Variants in ERBIN observed in about 807,000 individuals in gnomAD.
ERBIN encodes densin-180-like protein.
ERBIN carries 60 observed loss-of-function variants against 158.4 expected under a neutral mutation model. That is an observed-to-expected ratio of 0.38 (90% CI 0.31 to 0.47). The LOEUF is 0.47. Ranked by LOEUF, ERBIN falls within the 20% of genes least tolerant of loss-of-function variation. The pLI is 0.99. For missense variants in ERBIN, 1,610 were observed against 1,648.0 expected, an observed-to-expected ratio of 0.98 and a Z score of 0.40; for synonymous variants, 594 against 557.2, an observed-to-expected ratio of 1.07 and a Z score of -0.93.
intron 1 of ERBIN, among the ~76,000 whole-genome samples, chr5:65,984,460 C>T (rs902946478): frequency 1.3e-5 from 2 of 152,202 alleles, no homozygotes; most frequent in African/African-American, 4.8e-5. Context: ...ACTCCCAAAT[C>T]CCCTTCACTC....
chr5:66,015,487 C>G (rs1342130565), intron 7 of ERBIN, among the ~76,000 whole-genome samples: 3 of 152,134 alleles, frequency 2.0e-5, no homozygotes, highest in African/African-American at 7.2e-5. Context: ...CTGTATGCAT[C>G]TGTTGTTGGT....
rs1340998815 is a variant in ERBIN, at chr5:66,081,366, A to G, written c.*2836A>G. 1 of 152,052 alleles carries G rather than the reference A, an allele frequency of 6.6e-6. No homozygotes were observed. Among genetic ancestry groups the G allele is most frequent in the Non-Finnish European group, 1.5e-5 (1 of 67,906 alleles). 9.4% of individuals were successfully genotyped at this position (152,052 alleles called of 1,614,324 possible). On this transcript the variant is annotated 3_prime_UTR_variant, in exon 26 of 26. Coordinates refer to ENST00000284037, the MANE Select transcript of ERBIN (RefSeq NM_001253697.2). ...TGGATATGAAGATATATATATATAC[A>G]CTTAATTCTTTTAAACACAAAACTT...
At chr5:65,960,335 C>T (rs965587849) in intron 1 of ERBIN, among the ~76,000 whole-genome samples, 8 of 152,132 alleles carry the variant, frequency 5.3e-5, no homozygotes, top group African/African-American at 1.9e-4. Flanking sequence ...TTGGTAGGGG[C>T]ATTGACTGGA....
chr5:65,932,939 C>T (rs1485052702), intron 1 of ERBIN, among the ~76,000 whole-genome samples: 5 of 152,098 alleles, frequency 3.3e-5, no homozygotes. Context: ...TATAGGCATG[C>T]ACCACCATGC....
chr5:66,035,579 C>T (rs761378606), intron 14 of ERBIN, among the ~76,000 whole-genome samples: 2 of 152,162 alleles, frequency 1.3e-5, no homozygotes, highest in Non-Finnish European at 2.9e-5. Flanking sequence ...TGTCCAGTAC[C>T]ATAGCCACTA....
intron 5 of ERBIN, 147 bp downstream of exon 5, chr5:66,012,274 T>C: frequency 3.7e-6 from 2 of 545,104 alleles, no homozygotes; most frequent in East Asian, 5.8e-5. Flanking sequence ...AGTAATCTTT[T>C]AAATAATCAT....
chr5:66,031,007 G>C (rs1026804305), intron 14 of ERBIN, among the ~76,000 whole-genome samples: 8 of 152,050 alleles, frequency 5.3e-5, no homozygotes, highest in African/African-American at 1.7e-4. Context: ...TCTCCACTTG[G>C]TTTAAAACAA....
chr5:65,978,619 G>A (rs1485116115), intron 1 of ERBIN, among the ~76,000 whole-genome samples: 2 of 152,222 alleles, frequency 1.3e-5, no homozygotes, highest in African/African-American at 4.8e-5. Flanking sequence ...AGTATAGGCG[G>A]ATAATATGGA....
intron 8 of ERBIN, among the ~76,000 whole-genome samples, chr5:66,021,758 G>A (rs1360997353): frequency 6.6e-6 from 1 of 152,084 alleles, no homozygotes; most frequent in East Asian, 1.9e-4. Context: ...AACTTATTCA[G>A]TAATAAGATA....
chr5:66,076,074 A>G, intron 23 of ERBIN: 1 of 468,650 alleles, frequency 2.1e-6, no homozygotes, highest in South Asian at 2.8e-5. Context: ...CCTTATCCTC[A>G]TAAGACAAGC....
chr5:65,971,394 A>G (rs1333789406), intron 1 of ERBIN, among the ~76,000 whole-genome samples: 1 of 152,138 alleles, frequency 6.6e-6, no homozygotes, highest in Non-Finnish European at 1.5e-5. Flanking sequence ...GTGATTTGCA[A>G]AATAATGGAG....
At chr5:66,062,651 T>G (rs1760537429) in intron 21 of ERBIN, among the ~76,000 whole-genome samples, 1 of 152,200 alleles carries the variant, frequency 6.6e-6, no homozygotes, top group African/African-American at 2.4e-5. Flanking sequence ...CTGCTCTGTT[T>G]TTTCCCCATC....
chr5:65,958,296 C>G (rs897477951), intron 1 of ERBIN, among the ~76,000 whole-genome samples: 1 of 150,370 alleles, frequency 6.7e-6, no homozygotes, highest in Non-Finnish European at 1.5e-5. Flanking sequence ...TGTCGCAAGC[C>G]GAGATCACGC....
At chr5:65,952,872 G>A (rs977216523) in intron 1 of ERBIN, among the ~76,000 whole-genome samples, 1 of 152,142 alleles carries the variant, frequency 6.6e-6, no homozygotes, top group African/African-American at 2.4e-5. Flanking sequence ...ACTTTTGTGG[G>A]TCTAGGAACA....
intron 1 of ERBIN, among the ~76,000 whole-genome samples, chr5:65,980,920 A>G (rs567777117): frequency 6.6e-6 from 1 of 152,358 alleles, no homozygotes; most frequent in South Asian, 2.1e-4. Context: ...AGGCTATAGA[A>G]GATTTGAATA....
rs1402866986 is a variant in ERBIN at position 65,940,730 on chromosome 5, C to T, written c.-58+13924C>T. 2.9e-4 allele frequency among the ~76,000 whole-genome samples: 43 copies of T among 147,860 alleles called. 1 individual carries two copies. Among genetic ancestry groups the T allele is most frequent in the African/African-American group, 6.8e-4 (27 of 39,508 alleles). On this transcript the variant is annotated intron_variant, in intron 1 of 25. Transcript: ENST00000284037. ...CCCCCGCCCGGCCAGCCGCCCCGTC[C>T]GGGAGGTGAGGGGCGCCTCTGCCCG...
Position 66,044,255 on chromosome 5 carries a change from G to A in ERBIN, c.1547G>A (p.Arg516Lys). Residue 516 changes from arginine to lysine, a missense_variant, in exon 17 of 26, where the codon AGA (arginine) becomes AAA (lysine). By Grantham distance (26) the Arg-to-Lys change is conservative (BLOSUM62 2). This residue lies in a region of ERBIN where 596 missense variants were observed against 711.9 expected (regional missense o/e 0.84). Coordinates refer to ENST00000284037, the MANE Select transcript of ERBIN (RefSeq NM_001253697.2). ...GAAGAGACCAATGAAGACTCAGGAAGAGATTTGAAACCACATGAAGATCAA... is the reference window on the plus strand; with the variant it reads ...GAAGAGACCAATGAAGACTCAGGAAAAGATTTGAAACCACATGAAGATCAA... ...KDEETNEDSG[R>K]DLKPHEDQQD... 2 of 1,611,458 alleles carry A rather than the reference G, an allele frequency of 1.2e-6. No homozygotes were observed. The highest frequency in any genetic ancestry group is 1.7e-6 in the Non-Finnish European group (2 of 1,179,074).
chr5:66,076,573 C>G (rs981489382), intron 24 of ERBIN, 165 bp downstream of exon 24: 6 of 635,938 alleles, frequency 9.4e-6, no homozygotes, highest in Non-Finnish European at 1.6e-5. Flanking sequence ...TTGATCAGTT[C>G]AAGTTAAAAC....
chr5:65,978,474 C>T (rs1227476164), intron 1 of ERBIN, among the ~76,000 whole-genome samples: 2 of 152,194 alleles, frequency 1.3e-5, no homozygotes, highest in Non-Finnish European at 2.9e-5. Context: ...CAACCTTGAT[C>T]TACACTTTGT....
Sources: allele counts gnomAD v4.1 joint callset (sites outside exome capture counted in the v4.1 genomes callset), GRCh38; gene constraint gnomAD v4.1.1; regional missense constraint gnomAD v4.1.1; transcripts MANE v1.5; gene names NCBI Gene and HGNC (gene_info 2026-07-23, HGNC 2026-07-21).